The following SHISA6 variants were observed in gnomAD, a reference collection of about 807,000 sequenced individuals.
SHISA6 encodes protein shisa-6.
Under a neutral mutation model 47.9 loss-of-function variants are expected in SHISA6, and 22 were observed. The ratio of observed to expected loss-of-function variants is 0.46; its 90% confidence interval spans 0.33 to 0.66. The LOEUF (loss-of-function observed/expected upper bound fraction) is 0.66, where lower values mean the gene tolerates loss of function less well. Among genes scored for constraint, SHISA6 ranks in the 30% least tolerant of loss-of-function variants. The pLI is 0.02. For missense variants in SHISA6, 680 were observed against 764.6 expected, an observed-to-expected ratio of 0.89 and a Z score of 1.30; for synonymous variants, 388 against 337.8, an observed-to-expected ratio of 1.15 and a Z score of -1.63.
rs1399684750 is a variant in SHISA6, at chr17:11,477,724, C to A, written c.896-74172C>A. ...TGAGAATAATGATTTCCAGTTTCAT[C>A]CATGTCCCTACAAAGGACATGAACT... On this transcript the variant is annotated intron_variant, in intron 3 of 5. Transcript: ENST00000441885. Among the ~76,000 whole-genome samples the A allele has an allele frequency of 4.0e-5, 6 of 150,022 alleles. No individual in the cohort carries two copies. In the East Asian group the frequency reaches 1.2e-3, roughly 30 times the overall value.
intron 1 of SHISA6, among the ~76,000 whole-genome samples, chr17:11,246,039 G>A (rs1907572185): frequency 6.6e-6 from 1 of 152,110 alleles, no homozygotes; most frequent in African/African-American, 2.4e-5. Context: ...AAGTCACTGC[G>A]TTTTTTGAAG....
intron 3 of SHISA6, among the ~76,000 whole-genome samples, chr17:11,449,115 T>C (rs1915313378): frequency 6.6e-6 from 1 of 152,098 alleles, no homozygotes; most frequent in African/African-American, 2.4e-5. Context: ...ATGAATGATA[T>C]GTAGGAAGTC....
chr17:11,399,644 G>A (rs1275934210), intron 3 of SHISA6, among the ~76,000 whole-genome samples: 1 of 152,114 alleles, frequency 6.6e-6, no homozygotes, highest in Non-Finnish European at 1.5e-5. Context: ...CTGGTCTCGA[G>A]CTCCTCACCT....
chr17:11,438,419 G>A (rs1375791015), intron 3 of SHISA6, among the ~76,000 whole-genome samples: 6 of 152,112 alleles, frequency 3.9e-5, no homozygotes, highest in Admixed American at 3.9e-4. Context: ...TCACACTTCT[G>A]GAGGCTGAAA....
intron 2 of SHISA6, among the ~76,000 whole-genome samples, chr17:11,360,282 G>A (rs886655769): frequency 2.6e-5 from 4 of 152,140 alleles, no homozygotes; most frequent in Admixed American, 6.5e-5. Context: ...CACATGGGCC[G>A]GGCATGGTGG....
At chr17:11,268,830 C>T (rs1908529907) in intron 2 of SHISA6, among the ~76,000 whole-genome samples, 1 of 152,118 alleles carries the variant, frequency 6.6e-6, no homozygotes, top group Non-Finnish European at 1.5e-5. Context: ...ATGACATAGT[C>T]CTTTACTTGG....
chr17:11,252,238 C>G (rs1158276194), intron 1 of SHISA6, among the ~76,000 whole-genome samples: 1 of 152,154 alleles, frequency 6.6e-6, no homozygotes, highest in Non-Finnish European at 1.5e-5. Context: ...GGAGAAGAGT[C>G]GCTGCTTTCT....
chr17:11,456,133 C>T lies in SHISA6; in HGVS notation c.895+76624C>T, dbSNP rs1455329589. 1.3e-5 allele frequency among the ~76,000 whole-genome samples: 2 copies of T among 152,168 alleles called. 1 individual carries two copies. The highest frequency in any genetic ancestry group is 4.8e-5 in the African/African-American group (2 of 41,432). ...AGTCATGAAAGCATCCTTGTGCATG[C>T]AGGAGGCATTTACTAAATGCACATT... On this transcript the variant is annotated intron_variant, in intron 3 of 5. Coordinates refer to ENST00000441885, the MANE Select transcript of SHISA6 (RefSeq NM_207386.4).
At chr17:11,454,663 C>T (rs1915488452) in intron 3 of SHISA6, among the ~76,000 whole-genome samples, 2 of 152,224 alleles carry the variant, frequency 1.3e-5, no homozygotes, top group African/African-American at 4.8e-5. Flanking sequence ...AGGCGTGTGG[C>T]TCCTTCATGC....
At chr17:11,488,333 T>C (rs1046440912) in intron 3 of SHISA6, among the ~76,000 whole-genome samples, 1 of 152,112 alleles carries the variant, frequency 6.6e-6, no homozygotes, top group South Asian at 2.1e-4. Flanking sequence ...CCTTGTATTA[T>C]AGATGAGCAA....
chr17:11,472,415 TC>T (rs1915956792), intron 3 of SHISA6, among the ~76,000 whole-genome samples: 1 of 152,162 alleles, frequency 6.6e-6, no homozygotes, highest in South Asian at 2.1e-4. Flanking sequence ...TCCAGGTAGG[TC>T]TGGAACCCTT....
At chr17:11,549,323 G>C (rs150075389) in intron 3 of SHISA6, among the ~76,000 whole-genome samples, 2 of 152,072 alleles carry the variant, frequency 1.3e-5, no homozygotes, top group Admixed American at 1.3e-4. Flanking sequence ...TGCCAAGGTA[G>C]GAAAAAATCC....
chr17:11,386,634 G>A (rs1159938289), intron 3 of SHISA6, among the ~76,000 whole-genome samples: 1 of 152,178 alleles, frequency 6.6e-6, no homozygotes, highest in Non-Finnish European at 1.5e-5. Context: ...GGGAAAAATT[G>A]ATTATGCTGG....
intron 3 of SHISA6, among the ~76,000 whole-genome samples, chr17:11,517,348 G>T (rs116722096): frequency 0.013 from 2,048 of 152,278 alleles, 51 homozygotes; most frequent in African/African-American, 0.046. Context: ...CAGTAAATTG[G>T]CACTTTACAT....
intron 4 of SHISA6, among the ~76,000 whole-genome samples, chr17:11,555,041 G>A (rs1432942745): frequency 6.6e-6 from 1 of 152,164 alleles, no homozygotes; most frequent in Non-Finnish European, 1.5e-5. Context: ...GGGAAGGAAG[G>A]AGAAAGTGGG....
At chr17:11,540,607 C>T (rs1158869518) in intron 3 of SHISA6, among the ~76,000 whole-genome samples, 1 of 152,120 alleles carries the variant, frequency 6.6e-6, no homozygotes, top group Non-Finnish European at 1.5e-5. Flanking sequence ...GTTAAAGTCC[C>T]CCCAGAATAC....
At chr17:11,283,417 G>C (rs1909189645) in intron 2 of SHISA6, among the ~76,000 whole-genome samples, 1 of 152,128 alleles carries the variant, frequency 6.6e-6, no homozygotes. Context: ...TCTGATTCAA[G>C]GTCTGATTTT....
At chr17:11,289,793 T>C (rs1909455203) in intron 2 of SHISA6, 1 of 152,102 alleles carries the variant, frequency 6.6e-6, no homozygotes, top group Admixed American at 6.5e-5. Context: ...TATATACCTT[T>C]TTTGTTTTGT....
At chr17:11,293,928 C>T (rs922745298) in intron 2 of SHISA6, among the ~76,000 whole-genome samples, 1 of 152,226 alleles carries the variant, frequency 6.6e-6, no homozygotes, top group Non-Finnish European at 1.5e-5. Context: ...ACTCTCTCAT[C>T]GGGCTGGAAT....
Sources: gnomAD v4.1 joint callset for allele counts (sites outside exome capture counted in the v4.1 genomes callset) on GRCh38, gnomAD v4.1.1 for gene constraint, MANE v1.5 for transcripts, NCBI Gene and HGNC (gene_info 2026-07-23, HGNC 2026-07-21) for gene names.